DMPK: variants seen among roughly 807,000 people sequenced by gnomAD.
DMPK encodes myotonin-protein kinase.
Under a neutral mutation model 70.3 loss-of-function variants are expected in DMPK, and 32 were observed. That is an observed-to-expected ratio of 0.46 (90% confidence interval 0.34 to 0.61). The LOEUF (loss-of-function observed/expected upper bound fraction) is 0.61, where lower values mean the gene tolerates loss of function less well. Ranked by LOEUF, DMPK falls within the 20% of genes least tolerant of loss-of-function variation. DMPK has a pLI of 0.01. For missense variants in DMPK, 899 were observed against 886.0 expected (o/e 1.01, Z -0.19); for synonymous variants, 469 against 390.9 (o/e 1.20, Z -2.36).
chr19:45,771,205 T>C (rs1969410721), intron 13 of DMPK, 145 bp from the exon 14 acceptor site: 3 of 1,246,944 alleles, frequency 2.4e-6, no homozygotes, highest in African/African-American at 1.5e-5. Flanking sequence ...CGGAGGGAGA[T>C]CTGGGGCTGA....
chr19:45,773,227 C>T (rs1317078476), intron 9 of DMPK, among the ~76,000 whole-genome samples: 1 of 152,194 alleles, frequency 6.6e-6, no homozygotes, highest in Non-Finnish European at 1.5e-5. Context: ...GACAGCTCCT[C>T]CCTGGGGTAT....
intron 8 of DMPK, chr19:45,775,367 C>T: frequency 4.2e-6 from 1 of 240,076 alleles, no homozygotes; most frequent in Non-Finnish European, 8.2e-6. Flanking sequence ...CGGGGTTTCG[C>T]CACGCTGGCC....
intron 14 of DMPK, 90 bp downstream of exon 14, chr19:45,770,881 A>C (rs1441047928): frequency 3.6e-6 from 4 of 1,113,546 alleles, no homozygotes; most frequent in Non-Finnish European, 4.9e-6. Flanking sequence ...CCGTGGGCCC[A>C]GCCCCGCAAA....
Position 45,770,497 on chromosome 19 carries a change from G to A in DMPK, c.1881C>T (p.Arg627=). The change falls in exon 15 of 15, where the codon CGC becomes CGT. Residue 627 remains arginine (R), a synonymous_variant. Coordinates refer to ENST00000291270, the MANE Select transcript of DMPK (RefSeq NM_004409.5). ...TAVWRRPGAA[R]AP is the part of the protein sequence containing the mutation. ...AAGACAGTTCTAGGGTTCAGGGAGC[G>A]CGGGCGGCTCCTGGGCGGCGCCAGA... 3 of 1,550,378 alleles carry A rather than the reference G, an allele frequency of 1.9e-6. No homozygotes were observed. The highest frequency in any genetic ancestry group is 2.6e-6 in the Non-Finnish European group (3 of 1,146,806).
chr19:45,774,262 C>CTTTT (rs34551308), intron 9 of DMPK, among the ~76,000 whole-genome samples: 1 of 122,112 alleles, frequency 8.2e-6, no homozygotes, highest in Admixed American at 9.1e-5. Flanking sequence ...TAAATAAATA[C>CTTTT]TTTTTTTTTT....
In DMPK at chr19:45,771,881, G is replaced by A. The variant is rs147014815; in HGVS notation, c.1392C>T (p.Ala464=). ...PAAVPAAEAE[A]EVTLRELQEA... is the part of the protein sequence containing the mutation. ...CCTGGAGCTCCCGCAGCGTCACCTC[G>A]GCCTCAGCCTCTGCCGCAGGGACAG... Residue 464 remains alanine, a synonymous_variant, in exon 11 of 15, where the codon GCC becomes GCT. Coordinates refer to ENST00000291270, the MANE Select transcript of DMPK (RefSeq NM_004409.5). The A allele has an allele frequency of 2.0e-5, 32 of 1,593,634 alleles. No homozygotes were observed. In the Middle Eastern group the frequency reaches 5.0e-4, roughly 25 times the overall value.
chr19:45,777,659 G>A lies in DMPK; in HGVS notation c.882+8C>T, dbSNP rs141629958. The stretch of plus-strand genomic sequence containing the variant: ...GGAGAGGCCAGGTCTCCCTGCGGCC[G>A]TGCTCACCTTGTAGTGGACGATCTT... On this transcript the variant is annotated splice_region_variant and intron_variant, in intron 7 of 14. Transcript: ENST00000291270. This position sits in a 1 kb window ranked among gnomAD's most constrained non-coding sequence, Gnocchi z 6.7. 7,930 of 1,613,900 alleles carry A rather than the reference G, an allele frequency of 4.9e-3. 41 individuals are homozygous for A. Among genetic ancestry groups the A allele is most frequent in the Middle Eastern group, 0.018 (110 of 6,062 alleles).
At chr19:45,771,697 G>A (rs779008833) in intron 11 of DMPK, 32 bp from the exon 12 acceptor site, 11 of 1,612,598 alleles carry the variant, frequency 6.8e-6, no homozygotes, top group Admixed American at 1.7e-5. Flanking sequence ...GAGTCCGTCC[G>A]GGCCGGACGA....
chr19:45,782,295 G>C lies in DMPK; in HGVS notation c.58C>G (p.Leu20Val). The C allele has an allele frequency of 6.3e-7, 1 of 1,596,262 alleles. No individual in the cohort carries two copies. The highest frequency in any genetic ancestry group is 1.1e-5 in the South Asian group (1 of 88,656). ...AGGTCGAGCAGGGGCTCCAGCCCCA[G>C]GAAGCCCGGGTCCAACACCAGCTGC... is the stretch of plus-strand genomic sequence containing the variant. ...LQQLVLDPGF[L>V]GLEPLLDLLL... The change falls in exon 1 of 15, where the codon CTG becomes GTG. Residue 20 changes from leucine to valine, a missense_variant. Leu to Val is a conservative substitution (Grantham distance 32). Around this residue, in one of 3 missense-constraint regions of DMPK, gnomAD observed 149 missense variants for 142.5 expected, o/e 1.05. Transcript: ENST00000291270.
At chr19:45,773,864 A>C (rs1188269480) in intron 9 of DMPK, among the ~76,000 whole-genome samples, 5 of 151,790 alleles carry the variant, frequency 3.3e-5, no homozygotes, top group Non-Finnish European at 7.4e-5. Flanking sequence ...GCTGGTCTTG[A>C]ACTCCTGGGC....
chr19:45,773,395 T>C (rs1409952024), intron 9 of DMPK, among the ~76,000 whole-genome samples: 6 of 152,234 alleles, frequency 3.9e-5, no homozygotes, highest in African/African-American at 1.4e-4. Flanking sequence ...TGGAGTTCAT[T>C]AATGATAAGG....
chr19:45,777,386 C>T lies in DMPK; in HGVS notation c.1087G>A (p.Asp363Asn), dbSNP rs556150348. The change falls in exon 8 of 15, where the codon GAC becomes AAC. Residue 363 changes from aspartate (D) to asparagine (N), a missense_variant. By Grantham distance (23) the Asp-to-Asn change is conservative. Around this residue, in one of 3 missense-constraint regions of DMPK, gnomAD observed 555 missense variants for 483.8 expected, o/e 1.15. Coordinates refer to ENST00000291270, the MANE Select transcript of DMPK (RefSeq NM_004409.5). This position sits in a 1 kb window ranked among gnomAD's most constrained non-coding sequence, Gnocchi z 6.7. ...TCCACCAAGTCGAAGTTGCATGTGT[C>T]GGTGGCACCTTCGAAATCCGGTGTA... ...PFTPDFEGAT[D>N]TCNFDLVEDG... The T allele has an allele frequency of 5.6e-6, 9 of 1,610,568 alleles. No individual in the cohort carries two copies. The highest frequency in any genetic ancestry group is 1.1e-5 in the South Asian group (1 of 90,758).
At position 45,779,369 on chromosome 19, in the gene DMPK, AC is replaced by A; in HGVS notation, c.337-11del. 6.2e-7 allele frequency: 1 copy of A among 1,613,974 alleles called. No individual in the cohort carries two copies. Among genetic ancestry groups the A allele is most frequent in the Non-Finnish European group, 8.5e-7 (1 of 1,180,006 alleles). On this transcript the variant is annotated splice_polypyrimidine_tract_variant and intron_variant, in intron 3 of 14. Coordinates refer to ENST00000291270, the MANE Select transcript of DMPK (RefSeq NM_004409.5). ...CACGGAAGCACGACACCTGCAGGGC[AC>A]CCGGAGGAGCTGCAGCCGGAGACGG...
intron 9 of DMPK, among the ~76,000 whole-genome samples, chr19:45,773,148 C>T (rs1210599649): frequency 1.3e-5 from 2 of 152,218 alleles, no homozygotes; most frequent in African/African-American, 2.4e-5. Flanking sequence ...AGATGTGGTC[C>T]TAAGACTGGG....
chr19:45,778,932 G>A, intron 4 of DMPK: 1 of 553,888 alleles, frequency 1.8e-6, no homozygotes. Flanking sequence ...CCAACACCCA[G>A]AGAATAGGTC....
intron 1 of DMPK, chr19:45,780,709 G>A: frequency 1.4e-6 from 1 of 732,856 alleles, no homozygotes; most frequent in Non-Finnish European, 1.7e-6. Context: ...AGAGGAGACA[G>A]TGGGTTCTGG....
At chr19:45,776,775 G>C (rs993625688) in intron 8 of DMPK, 1 of 152,804 alleles carries the variant, frequency 6.5e-6, no homozygotes, top group Non-Finnish European at 1.5e-5. Flanking sequence ...ATTTTTTCTT[G>C]TATCCTGTTG....
Position 45,771,413 on chromosome 19 carries a change from G to A in DMPK, c.1601-17C>T. The A allele has an allele frequency of 1.2e-6, 2 of 1,608,466 alleles. No individual in the cohort carries two copies. The highest frequency in any genetic ancestry group is 1.7e-6 in the Non-Finnish European group (2 of 1,178,282). On this transcript the variant is annotated splice_polypyrimidine_tract_variant and intron_variant, in intron 12 of 14. Transcript: ENST00000291270. The stretch of plus-strand genomic sequence containing the variant: ...CCGTGACAGCTGGAAGGAGAAGAAA[G>A]AGGCATAGGGCGCGTGGAGGGGCGA...
rs919783570 is a variant in DMPK, at chr19:45,771,074, G to A, written c.1648-14C>T. The A allele has an allele frequency of 7.2e-6, 11 of 1,525,440 alleles. No individual in the cohort carries two copies. Among genetic ancestry groups the A allele is most frequent in the East Asian group, 2.5e-5 (1 of 39,734 alleles). The allele number at this position is 1,525,440 out of a possible 1,614,324, so 94.5% of individuals were successfully genotyped here. On this transcript the variant is annotated splice_polypyrimidine_tract_variant and intron_variant, in intron 13 of 14. Transcript: ENST00000291270. ...GGGGCCATCTAGCTGGAGAGAGAAG[G>A]GACAGGTGACCCGATCGGAGCCCAG...
Sources: allele counts gnomAD v4.1 joint callset (sites outside exome capture counted in the v4.1 genomes callset), GRCh38; gene constraint gnomAD v4.1.1; regional missense constraint gnomAD v4.1.1; non-coding constraint Gnocchi (gnomAD v3.1); transcripts MANE v1.5; gene names NCBI Gene and HGNC (gene_info 2026-07-23, HGNC 2026-07-21).